Variants in DDC observed in about 807,000 individuals in gnomAD.
The protein encoded by DDC is dopa decarboxylase.
Under a neutral mutation model 60.0 loss-of-function variants are expected in DDC, and 43 were observed. That is an observed-to-expected ratio of 0.72 (90% CI 0.56 to 0.92). The LOEUF (loss-of-function observed/expected upper bound fraction) is 0.92. Ranked by LOEUF, DDC falls within the 40% of genes least tolerant of loss-of-function variation. The pLI is 0.00. For synonymous variants in DDC, 232 were observed against 234.6 expected (o/e 0.99, Z 0.10); for missense variants, 573 against 620.2 (o/e 0.92, Z 0.81).
intron 9 of DDC, among the ~76,000 whole-genome samples, chr7:50,484,836 A>G (rs1177297366): frequency 6.6e-6 from 1 of 152,174 alleles, no homozygotes; most frequent in Admixed American, 6.5e-5. Flanking sequence ...TTCTTTTTTA[A>G]AAAATCTACA....
At chr7:50,508,842 T>A (rs367769011) in intron 6 of DDC, among the ~76,000 whole-genome samples, 14 of 152,198 alleles carry the variant, frequency 9.2e-5, no homozygotes, top group African/African-American at 2.4e-4. Flanking sequence ...AGCTTTACAA[T>A]CCTTTGGCTG....
chr7:50,468,148 A>G lies in DDC; in HGVS notation c.1141-833T>C, dbSNP rs539797752. On this transcript the variant is annotated intron_variant, in intron 12 of 14. Transcript: ENST00000444124. ...TGCGGAAACGCGGCGCCTCGCGGGC[A>G]GGGGGTGGCTGGGACAAAAACACGT... 1.2e-3 allele frequency among the ~76,000 whole-genome samples: 187 copies of G among 152,342 alleles called. 3 individuals carry two copies. Among genetic ancestry groups the G allele is most frequent in the Non-Finnish European group, 2.5e-4 (17 of 68,014 alleles).
chr7:50,463,297 A>G lies in DDC; in HGVS notation c.1377T>C (p.His459=), dbSNP rs190468400. 5.0e-6 allele frequency: 8 copies of G among 1,614,226 alleles called. No homozygotes were observed. Among genetic ancestry groups the G allele is most frequent in the South Asian group, 3.3e-5 (3 of 91,084 alleles). ...AICSRTVESA[H]VQRAWEHIKE... is the part of the protein sequence containing the mutation. ...TGATGTGTTCCCAGGCCCGCTGCAC[A>G]TGGGCAGATTCCACCGTGCGAGAAC... Residue 459 remains histidine (H), a synonymous_variant, in exon 14 of 15, where the codon CAT becomes CAC. Transcript: ENST00000444124.
chr7:50,543,504 G>A, intron 2 of DDC: 1 of 345,658 alleles, frequency 2.9e-6, no homozygotes, highest in Non-Finnish European at 5.6e-6. Context: ...GATGGTGGAA[G>A]TGTGCTTTAT....
intron 11 of DDC, among the ~76,000 whole-genome samples, chr7:50,471,291 C>G: frequency 6.6e-6 from 1 of 152,126 alleles, no homozygotes; most frequent in East Asian, 1.9e-4. Context: ...ACTTGGGAAG[C>G]TGAGGCAGGA....
At chr7:50,524,640 T>G (rs1166957639) in intron 6 of DDC, among the ~76,000 whole-genome samples, 1 of 152,116 alleles carries the variant, frequency 6.6e-6, no homozygotes, top group East Asian at 1.9e-4. Context: ...TCTATCAAAA[T>G]GGATAAAATA....
At chr7:50,556,576 G>A (rs2045195329) in intron 1 of DDC, among the ~76,000 whole-genome samples, 1 of 152,184 alleles carries the variant, frequency 6.6e-6, no homozygotes, top group East Asian at 1.9e-4. Context: ...ACAAAACCAT[G>A]AAGAGAGTAC....
intron 6 of DDC, among the ~76,000 whole-genome samples, chr7:50,519,454 CA>C (rs1219999071): frequency 6.6e-6 from 1 of 152,162 alleles, no homozygotes; most frequent in Non-Finnish European, 1.5e-5. Context: ...ATGTTTAAAG[CA>C]GCACAATTCA....
At chr7:50,516,891 A>G (rs1390811583) in intron 6 of DDC, among the ~76,000 whole-genome samples, 1 of 151,660 alleles carries the variant, frequency 6.6e-6, no homozygotes, top group Non-Finnish European at 1.5e-5. Context: ...AGAATTAGAT[A>G]CCCTCAACAG....
chr7:50,466,511 A>C lies in DDC; in HGVS notation c.1242+703T>G, dbSNP rs573020319. 3.3e-3 allele frequency among the ~76,000 whole-genome samples: 494 copies of C among 147,476 alleles called. 2 individuals are homozygous for C. The highest frequency in any genetic ancestry group is 5.9e-3 in the Non-Finnish European group (401 of 67,456). On this transcript the variant is annotated intron_variant, in intron 13 of 14. Transcript: ENST00000444124. ...CCAAAAAGAAAAAAAAAAAAAAAAAAAAAAAACCTTATAAACCAAACAGAG... is the reference window on the plus strand; with the variant it reads ...CCAAAAAGAAAAAAAAAAAAAAAAACAAAAAACCTTATAAACCAAACAGAG...
chr7:50,559,421 A>G (rs113956338), intron 1 of DDC, among the ~76,000 whole-genome samples: 1,648 of 143,298 alleles, frequency 0.012, 23 homozygotes, highest in African/African-American at 0.04. Context: ...AAAACATCAG[A>G]ACATTTCTTT....
intron 6 of DDC, among the ~76,000 whole-genome samples, chr7:50,520,862 C>T (rs2043869318): frequency 6.6e-6 from 1 of 151,802 alleles, no homozygotes; most frequent in Admixed American, 6.6e-5. Context: ...TGTGCCACTG[C>T]ATTCCAGCCT....
At chr7:50,512,320 G>A (rs75921516) in intron 6 of DDC, among the ~76,000 whole-genome samples, 1,908 of 152,212 alleles carry the variant, frequency 0.013, 36 homozygotes, top group African/African-American at 0.044. Flanking sequence ...ACAGATATAG[G>A]GTAAAGAGGA....
At chr7:50,502,229 G>C (rs880029) in intron 7 of DDC, among the ~76,000 whole-genome samples, 117,009 of 152,004 alleles carry the variant, frequency 0.77, 45,269 homozygotes, top group Admixed American at 0.84. Context: ...CAAGCTCTGT[G>C]CACAGCCTCC....
chr7:50,540,568 C>T (rs957209554), intron 2 of DDC, among the ~76,000 whole-genome samples: 6 of 152,236 alleles, frequency 3.9e-5, no homozygotes, highest in African/African-American at 1.4e-4. Flanking sequence ...GGTCTTCCCG[C>T]TGCCCCTGGC....
chr7:50,565,343 G>A lies in DDC; in HGVS notation c.-87C>T, dbSNP rs2045403169. ...CTCCTTGATGGGATTCTCCAACTTT[G>A]GGGACTGAAGAGCATGTGGAGAAGC... On this transcript the variant is annotated 5_prime_UTR_variant, in exon 1 of 15. It introduces an in-frame stop codon into an upstream open reading frame of the 5' UTR. Coordinates refer to ENST00000444124, the MANE Select transcript of DDC (RefSeq NM_001082971.2). The A allele has an allele frequency of 6.6e-6, 1 of 152,348 alleles. No homozygotes were observed. Among genetic ancestry groups the A allele is most frequent in the Non-Finnish European group, 1.5e-5 (1 of 68,046 alleles). 9.4% of individuals were successfully genotyped at this position (152,348 alleles called of 1,614,324 possible). A position where few individuals can be genotyped will look rare whatever the true frequency, so the allele number is the denominator to read the frequency against.
intron 14 of DDC, among the ~76,000 whole-genome samples, chr7:50,462,366 A>C (rs2042297510): frequency 6.6e-6 from 1 of 152,098 alleles, no homozygotes; most frequent in Non-Finnish European, 1.5e-5. Flanking sequence ...AATACCCTCC[A>C]TGTTGCCAAC....
At chr7:50,552,834 C>T (rs957381081) in intron 1 of DDC, among the ~76,000 whole-genome samples, 3 of 152,288 alleles carry the variant, frequency 2.0e-5, no homozygotes, top group Middle Eastern at 6.8e-3. Context: ...TTCAAATCAC[C>T]AGCCCCTCAC....
Position 50,492,632 on chromosome 7 carries a change from C to T in DDC, c.944+2718G>A, listed in dbSNP as rs547136755. 5.3e-6 allele frequency: 6 copies of T among 1,125,064 alleles called. No individual in the cohort carries two copies. The South Asian group carries it at 1.1e-4, about 20-fold the overall frequency. The allele number at this position is 1,125,064 out of a possible 1,614,324, so 69.7% of individuals were successfully genotyped here. On this transcript the variant is annotated intron_variant, in intron 9 of 14. Coordinates refer to ENST00000444124, the MANE Select transcript of DDC (RefSeq NM_001082971.2). The stretch of plus-strand genomic sequence containing the variant: ...TCTCTTGTGGCAGACTTCCAGACAC[C>T]GCAGGCCTCTCTTGTGTCTTAGGGC...
Sources: gnomAD v4.1 joint callset for allele counts (sites outside exome capture counted in the v4.1 genomes callset) on GRCh38, gnomAD v4.1.1 for gene constraint, MANE v1.5 for transcripts, NCBI Gene and HGNC (gene_info 2026-07-23, HGNC 2026-07-21) for gene names.